Variants in SMIM43 observed in about 807,000 individuals in gnomAD.
SMIM43 encodes the protein small integral membrane protein 43, also known as Nodal Enhanced MEsendoderm Peptide.
intron 2 of SMIM43, 144 bp from the exon 3 acceptor site, chr4:121,762,942 C>T (rs544603462): frequency 1.3e-5 from 2 of 152,370 alleles, no homozygotes; most frequent in East Asian, 3.9e-4. Context: ...CCACACTCAT[C>T]TTCAATGTCC....
intron 2 of SMIM43, 149 bp from the exon 3 acceptor site, chr4:121,762,947 A>T (rs867681516): frequency 6.6e-6 from 1 of 152,260 alleles, no homozygotes; most frequent in African/African-American, 2.4e-5. Context: ...CTCATCTTCA[A>T]TGTCCATATT....
In SMIM43 at chr4:121,760,156, C is replaced by A; in HGVS notation, c.*818G>T. The A allele has an allele frequency of 7.4e-7, 1 of 1,351,868 alleles. No individual in the cohort carries two copies. The highest frequency in any genetic ancestry group is 1.0e-6 in the Non-Finnish European group (1 of 1,001,514). The allele number at this position is 1,351,868 out of a possible 1,614,324, so 83.7% of individuals were successfully genotyped here. On this transcript the variant is annotated 3_prime_UTR_variant, in exon 6 of 6. Transcript: ENST00000643802. ...TTTTGATCTTTTTGAACTTTATGCT[C>A]CTCTGCAACTGTATTCTGTAGCCAG... is the stretch of plus-strand genomic sequence containing the variant.
chr4:121,760,607 T>C, intron 5 of SMIM43, 133 bp from the exon 6 acceptor site: 1 of 1,345,088 alleles, frequency 7.4e-7, no homozygotes, highest in Non-Finnish European at 9.6e-7. Context: ...ACCCTCTAAT[T>C]TATTTAAGCC....
At position 121,760,320 on chromosome 4, in the gene SMIM43, C is replaced by G. The variant is rs937286704; in HGVS notation, c.*654G>C. The G allele has an allele frequency of 2.5e-6, 4 of 1,611,590 alleles. No individual in the cohort carries two copies. The highest frequency in any genetic ancestry group is 1.7e-5 in the Admixed American group (1 of 59,238). On this transcript the variant is annotated 3_prime_UTR_variant, in exon 6 of 6. Coordinates refer to ENST00000643802, the MANE Select transcript of SMIM43 (RefSeq NM_001384332.1). ...CAGACAATCTTGCAGATAGCAGTAG[C>G]CAATGACACAGTTCTGGCCAATGAG...
chr4:121,764,755 G>A (rs1004012658), intron 1 of SMIM43, 62 bp downstream of exon 1: 7 of 394,470 alleles, frequency 1.8e-5, no homozygotes, highest in African/African-American at 1.4e-4. Flanking sequence ...CCACAGGAGC[G>A]GAGACGCGGG....
intron 1 of SMIM43, 140 bp downstream of exon 1, chr4:121,764,677 C>T (rs1277879725): frequency 2.6e-6 from 1 of 381,746 alleles, no homozygotes; most frequent in Admixed American, 4.5e-5. Context: ...TCGAAGAGCA[C>T]AGCGCCAGCC....
At chr4:121,760,984 C>CT (rs532430968) in intron 5 of SMIM43, among the ~76,000 whole-genome samples, 1 of 152,162 alleles carries the variant, frequency 6.6e-6, no homozygotes, top group South Asian at 2.1e-4. Flanking sequence ...GAACGCCCTT[C>CT]TGATAATCCA....
rs1286636817 is a variant in SMIM43 at position 121,765,030 on chromosome 4, A to C, written c.76T>G (p.Phe26Val). The C allele has an allele frequency of 5.0e-6, 2 of 398,542 alleles. No individual in the cohort carries two copies. The highest frequency in any genetic ancestry group is 8.9e-6 in the Non-Finnish European group (2 of 225,808). 24.7% of individuals were successfully genotyped at this position (398,542 alleles called of 1,614,324 possible). The change falls in exon 1 of 6, where the codon TTC becomes GTC. Residue 26 changes from phenylalanine (F) to valine (V), a missense_variant. Transcript: ENST00000643802. ...FLLFLLFLLLFVVIKQLKNSV... is the reference protein window; with the variant it reads ...FLLFLLFLLLVVVIKQLKNSV... ...TTCTTCAGCTGCTTGATGACCACGA[A>C]GAGCAGGAGGAAAAGTAAGAAGAGC...
intron 3 of SMIM43, 89 bp from the exon 4 acceptor site, chr4:121,761,981 G>A: frequency 8.6e-7 from 1 of 1,168,628 alleles, no homozygotes. Context: ...TCCTTATAAT[G>A]TAAGAAATTC....
intron 5 of SMIM43, among the ~76,000 whole-genome samples, chr4:121,761,182 G>A (rs910394301): frequency 1.3e-5 from 2 of 151,790 alleles, no homozygotes; most frequent in Non-Finnish European, 2.9e-5. Flanking sequence ...TCTTGTATGT[G>A]ACACAGACAT....
chr4:121,760,600 C>CCTG, intron 5 of SMIM43, 126 bp from the exon 6 acceptor site: 1 of 1,359,246 alleles, frequency 7.4e-7, no homozygotes, highest in Non-Finnish European at 9.5e-7. Context: ...AGAACAAACC[C>CCTG]TCTAATTTAT....
Position 121,759,223 on chromosome 4 carries a change from T to C in SMIM43, c.*1751A>G, listed in dbSNP as rs959762153. 6.6e-6 allele frequency: 1 copy of C among 152,228 alleles called. No homozygotes were observed. The highest frequency in any genetic ancestry group is 2.4e-5 in the African/African-American group (1 of 41,474). The allele number at this position is 152,228 out of a possible 1,614,324, so 9.4% of individuals were successfully genotyped here. ...TTCCCAGGAGGTCATCCATTCACTA[T>C]ACAGGAATATGTGCAATATATAGAT... On this transcript the variant is annotated 3_prime_UTR_variant, in exon 6 of 6. Transcript: ENST00000643802.
Position 121,760,223 on chromosome 4 carries a change from T to C in SMIM43, c.*751A>G. 6.5e-7 allele frequency: 1 copy of C among 1,533,182 alleles called. No homozygotes were observed. The highest frequency in any genetic ancestry group is 8.8e-7 in the Non-Finnish European group (1 of 1,142,822). 95.0% of individuals were successfully genotyped at this position (1,533,182 alleles called of 1,614,324 possible). A position where few individuals can be genotyped will look rare whatever the true frequency, so the allele number is the denominator to read the frequency against. ...TGTCCTCCCAAGATCCACCATCATCTTCTTCTTCATCAAGAGAAACTGGAT... is the reference window on the plus strand; with the variant it reads ...TGTCCTCCCAAGATCCACCATCATCCTCTTCTTCATCAAGAGAAACTGGAT... On this transcript the variant is annotated 3_prime_UTR_variant, in exon 6 of 6. Coordinates refer to ENST00000643802, the MANE Select transcript of SMIM43 (RefSeq NM_001384332.1).
Position 121,760,266 on chromosome 4 carries a change from A to T in SMIM43, c.*708T>A. 6.3e-7 allele frequency: 1 copy of T among 1,582,616 alleles called. No individual in the cohort carries two copies. Among genetic ancestry groups the T allele is most frequent in the South Asian group, 1.2e-5 (1 of 85,538 alleles). ...AACTGGATTTTTGTCAAAGGCAGTT[A>T]TATATCCAGCTACAAAAACTACATT... On this transcript the variant is annotated 3_prime_UTR_variant, in exon 6 of 6. Coordinates refer to ENST00000643802, the MANE Select transcript of SMIM43 (RefSeq NM_001384332.1).
At position 121,760,452 on chromosome 4, in the gene SMIM43, TG is replaced by T. The variant is rs762495673; in HGVS notation, c.*521del. On this transcript the variant is annotated 3_prime_UTR_variant, in exon 6 of 6. Coordinates refer to ENST00000643802, the MANE Select transcript of SMIM43 (RefSeq NM_001384332.1). ...GGGCTTCCTCCTTCTTCTTGTGGGG[TG>T]CTGCGGGGACCATCTTGGAACCTGG... The T allele has an allele frequency of 1.1e-5, 17 of 1,550,820 alleles. No individual in the cohort carries two copies. The South Asian group carries it at 2.0e-4, about 18-fold the overall frequency.
At position 121,761,838 on chromosome 4, in the gene SMIM43, A is replaced by G. The variant is rs754046510; in HGVS notation, c.*333T>C. 1 of 1,613,050 alleles carries G rather than the reference A, an allele frequency of 6.2e-7. No homozygotes were observed. The highest frequency in any genetic ancestry group is 1.3e-5 in the African/African-American group (1 of 74,908). ...AGATCCATTGCACTTACAAGTTTGG[A>G]AATTAGTGCAACAGCCAAGATTGTC... On this transcript the variant is annotated 3_prime_UTR_variant, in exon 4 of 6. Coordinates refer to ENST00000643802, the MANE Select transcript of SMIM43 (RefSeq NM_001384332.1).
chr4:121,765,045 G>C lies in SMIM43; in HGVS notation c.61C>G (p.Leu21Val). 1 of 398,366 alleles carries C rather than the reference G, an allele frequency of 2.5e-6. No homozygotes were observed. The highest frequency in any genetic ancestry group is 3.6e-5 in the East Asian group (1 of 28,050). The allele number at this position is 398,366 out of a possible 1,614,324, so 24.7% of individuals were successfully genotyped here. The change falls in exon 1 of 6, where the codon CTT (leucine) becomes GTT (valine). Residue 21 changes from leucine to valine, a missense_variant. Coordinates refer to ENST00000643802, the MANE Select transcript of SMIM43 (RefSeq NM_001384332.1). ...LALFFFLLFL[L>V]FLLLFVVIKQ... is the part of the protein sequence containing the mutation. ...ATGACCACGAAGAGCAGGAGGAAAA[G>C]TAAGAAGAGCAGGAAGAAGAAGAGC...
Position 121,760,193 on chromosome 4 carries a change from T to A in SMIM43, c.*781A>T. ...TATTCTGTAGCCAGGGCATAAAATG[T>A]TAGTTGTCCTCCCAAGATCCACCAT... On this transcript the variant is annotated 3_prime_UTR_variant, in exon 6 of 6. Transcript: ENST00000643802. 3.3e-6 allele frequency: 5 copies of A among 1,500,596 alleles called. No homozygotes were observed. Among genetic ancestry groups the A allele is most frequent in the Non-Finnish European group, 4.5e-6 (5 of 1,123,120 alleles). The allele number at this position is 1,500,596 out of a possible 1,614,324, so 93.0% of individuals were successfully genotyped here. A position where few individuals can be genotyped will look rare whatever the true frequency, so the allele number is the denominator to read the frequency against.
intron 2 of SMIM43, among the ~76,000 whole-genome samples, chr4:121,762,999 A>G (rs1417513923): frequency 6.6e-6 from 1 of 152,244 alleles, no homozygotes; most frequent in Non-Finnish European, 1.5e-5. Flanking sequence ...CAGAGATATC[A>G]ACCAATTAGA....
Sources: gnomAD v4.1 joint callset for allele counts (sites outside exome capture counted in the v4.1 genomes callset) on GRCh38, gnomAD v4.1.1 for gene constraint, MANE v1.5 for transcripts, NCBI Gene and HGNC (gene_info 2026-07-23, HGNC 2026-07-21) for gene names.